Variants in ST8SIA4 observed in about 807,000 individuals in gnomAD.
ST8SIA4 encodes CMP-N-acetylneuraminate-poly-alpha-2,8-sialyltransferase.
ST8SIA4 carries 15 observed loss-of-function variants against 33.9 expected under a neutral mutation model. The observed-to-expected ratio is 0.44, with a 90% CI of 0.30 to 0.68. The LOEUF (loss-of-function observed/expected upper bound fraction) is 0.68. Among genes scored for constraint, ST8SIA4 ranks in the 30% least tolerant of loss-of-function variants. The pLI, the probability that ST8SIA4 is intolerant of heterozygous loss-of-function variation, is 0.10. For synonymous variants in ST8SIA4, 171 were observed against 151.2 expected, an observed-to-expected ratio of 1.13 and a Z score of -0.96; for missense variants, 321 against 428.0, an observed-to-expected ratio of 0.75 and a Z score of 2.21.
At position 100,886,479 on chromosome 5, in the gene ST8SIA4, C is replaced by G. The variant is rs1752539710; in HGVS notation, c.367G>C (p.Asp123His). The change falls in exon 3 of 5, where the codon GAT (aspartate) becomes CAT (histidine). Residue 123 changes from aspartate (D) to histidine (H), a missense_variant. Asp to His is a moderately conservative substitution (Grantham distance 81). Transcript: ENST00000231461. ...ACTTCAGGTAGGAGGCTATGTAGAT[C>G]ATGAGAAATGTTTAGTGTCCGGCGC... ...DRRRTLNISH[D>H]LHSLLPEVSP... 2 of 1,613,896 alleles carry G rather than the reference C, an allele frequency of 1.2e-6. No homozygotes were observed. The highest frequency in any genetic ancestry group is 2.2e-5 in the South Asian group (2 of 91,078).
chr5:100,818,281 A>G (rs1325403430), intron 4 of ST8SIA4, among the ~76,000 whole-genome samples: 1 of 152,222 alleles, frequency 6.6e-6, no homozygotes, highest in African/African-American at 2.4e-5. Context: ...AGGTGGAAAA[A>G]ATAAATAATG....
rs1408703547 is a variant in ST8SIA4, at chr5:100,810,771, G to A, written c.*1076C>T. ...CTATTTTACCATCTCTGATGACATGGAACATCTTTCCTTTAGAATGGCCTA... is the reference window on the plus strand; with the variant it reads ...CTATTTTACCATCTCTGATGACATGAAACATCTTTCCTTTAGAATGGCCTA... On this transcript the variant is annotated 3_prime_UTR_variant, in exon 5 of 5. Coordinates refer to ENST00000231461, the MANE Select transcript of ST8SIA4 (RefSeq NM_005668.6). The A allele has an allele frequency of 1.3e-5, 2 of 152,438 alleles. No individual in the cohort carries two copies. The highest frequency in any genetic ancestry group is 2.4e-5 in the African/African-American group (1 of 41,382). The allele number at this position is 152,438 out of a possible 1,614,324, so 9.4% of individuals were successfully genotyped here. A position where few individuals can be genotyped will look rare whatever the true frequency, so the allele number is the denominator to read the frequency against.
In ST8SIA4 at chr5:100,856,322, G is replaced by C; in HGVS notation, c.578C>G (p.Ser193Ter). The C allele has an allele frequency of 6.2e-7, 1 of 1,614,032 alleles. No individual in the cohort carries two copies. The highest frequency in any genetic ancestry group is 8.5e-7 in the Non-Finnish European group (1 of 1,179,968). ...TKSDFITMNP[S>*]VVQRAFGGFR... ...GCCTCCAAATGCTCTTTGTACAACT[G>C]ATGGATTCATGGTAATAAAATCTGA... Residue 193 changes from serine to a stop codon, truncating the protein, a stop_gained, in exon 4 of 5, where the codon TCA (serine) becomes TGA (stop). Transcript: ENST00000231461. LOFTEE classifies it high-confidence loss of function.
At chr5:100,826,469 G>A (rs1478149765) in intron 4 of ST8SIA4, among the ~76,000 whole-genome samples, 2 of 152,078 alleles carry the variant, frequency 1.3e-5, no homozygotes, top group Admixed American at 1.3e-4. Flanking sequence ...AATATGATAG[G>A]TACTTGGGGC....
chr5:100,841,450 T>A (rs1329923040), intron 4 of ST8SIA4, among the ~76,000 whole-genome samples: 1 of 151,836 alleles, frequency 6.6e-6, no homozygotes, highest in Admixed American at 6.6e-5. Context: ...ACTTCAGCTA[T>A]GACAAGAAAT....
chr5:100,865,248 T>A (rs1752037696), intron 3 of ST8SIA4, among the ~76,000 whole-genome samples: 1 of 152,218 alleles, frequency 6.6e-6, no homozygotes, highest in Admixed American at 6.5e-5. Flanking sequence ...GATCAATTTT[T>A]GCTTCTGTAG....
rs1750719664 is a variant in ST8SIA4, at chr5:100,807,486, C to G, written c.*4361G>C. ...AAACGGTTTTTATTAAAAGGTGCTA[C>G]TTAAATGAGAAACACAAGGCCTGGA... On this transcript the variant is annotated 3_prime_UTR_variant, in exon 5 of 5. Transcript: ENST00000231461. 1 of 152,482 alleles carries G rather than the reference C, an allele frequency of 6.6e-6. No individual in the cohort carries two copies. Among genetic ancestry groups the G allele is most frequent in the Admixed American group, 6.6e-5 (1 of 15,266 alleles). The allele number at this position is 152,482 out of a possible 1,614,324, so 9.4% of individuals were successfully genotyped here.
chr5:100,902,844 C>A lies in ST8SIA4; in HGVS notation c.112G>T (p.Gly38Ter). ...TEEHQETQLIGDGELSLSRSL... is the reference protein window; with the variant it reads ...TEEHQETQLI ...CCTGAAATGAAGCTTTGCATTTACCCGATGAGTTGCGTCTCCTGGTGCTCC... is the reference window on the plus strand; with the variant it reads ...CCTGAAATGAAGCTTTGCATTTACCAGATGAGTTGCGTCTCCTGGTGCTCC... The change falls in exon 1 of 5, where the codon GGA becomes TGA. Residue 38 changes from glycine (G) to a stop codon, truncating the protein, a stop_gained and splice_region_variant. Transcript: ENST00000231461. LOFTEE classifies it high-confidence loss of function. 6.2e-7 allele frequency: 1 copy of A among 1,611,786 alleles called. No homozygotes were observed. Among genetic ancestry groups the A allele is most frequent in the Non-Finnish European group, 8.5e-7 (1 of 1,177,818 alleles).
intron 3 of ST8SIA4, among the ~76,000 whole-genome samples, chr5:100,873,814 T>C (rs1169263188): frequency 6.6e-6 from 1 of 152,138 alleles, no homozygotes; most frequent in Non-Finnish European, 1.5e-5. Context: ...TATTAGGAAA[T>C]ATATGAATAT....
chr5:100,815,988 C>G (rs910313114), intron 4 of ST8SIA4, among the ~76,000 whole-genome samples: 2 of 152,196 alleles, frequency 1.3e-5, no homozygotes, highest in Non-Finnish European at 2.9e-5. Flanking sequence ...TCTCTTGGAA[C>G]CTTCTGTGAC....
intron 3 of ST8SIA4, among the ~76,000 whole-genome samples, chr5:100,861,099 A>G (rs1165827368): frequency 6.6e-6 from 1 of 152,200 alleles, no homozygotes; most frequent in East Asian, 1.9e-4. Flanking sequence ...ACCATAATGT[A>G]GTAAACAAAA....
At chr5:100,823,060 G>A (rs911612552) in intron 4 of ST8SIA4, among the ~76,000 whole-genome samples, 1 of 152,112 alleles carries the variant, frequency 6.6e-6, no homozygotes, top group Non-Finnish European at 1.5e-5. Context: ...GAACCCGGGA[G>A]GCAGAGGTTG....
At chr5:100,900,650 G>T (rs1429569075) in intron 1 of ST8SIA4, among the ~76,000 whole-genome samples, 1 of 152,040 alleles carries the variant, frequency 6.6e-6, no homozygotes, top group Non-Finnish European at 1.5e-5. Context: ...CAGGGCACGG[G>T]TGTAAGCGCG....
At chr5:100,862,343 A>T (rs1751963597) in intron 3 of ST8SIA4, among the ~76,000 whole-genome samples, 1 of 152,170 alleles carries the variant, frequency 6.6e-6, no homozygotes, top group Non-Finnish European at 1.5e-5. Context: ...AGATAAGAAA[A>T]ATATTTTATT....
intron 3 of ST8SIA4, among the ~76,000 whole-genome samples, chr5:100,872,875 T>TAAAA (rs550303574): frequency 7.6e-6 from 1 of 132,438 alleles, no homozygotes; most frequent in Non-Finnish European, 1.6e-5. Flanking sequence ...AGATATGGGC[T>TAAAA]AAAAAAAAAA....
At chr5:100,830,248 C>A (rs1198332982) in intron 4 of ST8SIA4, among the ~76,000 whole-genome samples, 1 of 151,734 alleles carries the variant, frequency 6.6e-6, no homozygotes, top group Non-Finnish European at 1.5e-5. Context: ...GGAGCCAGAC[C>A]GATGAGTTTC....
intron 3 of ST8SIA4, among the ~76,000 whole-genome samples, chr5:100,884,221 A>C (rs943421258): frequency 1.3e-5 from 2 of 152,232 alleles, no homozygotes; most frequent in Admixed American, 6.5e-5. Flanking sequence ...AGGTGCCTAA[A>C]ACATAAAAGG....
At position 100,877,804 on chromosome 5, in the gene ST8SIA4, C is replaced by T. The variant is rs757718465; in HGVS notation, c.503+8539G>A. ...GTCTTTGATTTTTGTTTCATATACT[C>T]TATATTTAAATTATGGTCACACTCT... On this transcript the variant is annotated intron_variant, in intron 3 of 4. Transcript: ENST00000231461. 8.5e-5 allele frequency among the ~76,000 whole-genome samples: 13 copies of T among 152,230 alleles called. No homozygotes were observed. In the South Asian group the frequency reaches 1.5e-3, roughly 17 times the overall value.
chr5:100,850,954 CTTTTTTTTTT>C (rs70987828), intron 4 of ST8SIA4, among the ~76,000 whole-genome samples: 4 of 75,120 alleles, frequency 5.3e-5, no homozygotes, highest in African/African-American at 2.0e-4. Flanking sequence ...TGTAACCATA[CTTTTTTTTTT>C]TTTTTTTTTT....
Sources: gnomAD v4.1 joint callset for allele counts (sites outside exome capture counted in the v4.1 genomes callset) on GRCh38, gnomAD v4.1.1 for gene constraint, MANE v1.5 for transcripts, NCBI Gene and HGNC (gene_info 2026-07-23, HGNC 2026-07-21) for gene names.